Variants in NPLOC4 observed in about 807,000 individuals in gnomAD.
The protein encoded by NPLOC4 is NPL4 homolog, ubiquitin recognition factor.
NPLOC4 carries 18 observed loss-of-function variants against 80.6 expected under a neutral mutation model. That is an observed-to-expected ratio of 0.22 (90% CI 0.15 to 0.33). The LOEUF is 0.33. Among genes scored for constraint, NPLOC4 ranks in the 10% least tolerant of loss-of-function variants. The pLI, the probability that NPLOC4 is intolerant of heterozygous loss-of-function variation, is 1.00. For missense variants in NPLOC4, 540 were observed against 786.1 expected, an observed-to-expected ratio of 0.69 and a Z score of 3.74; for synonymous variants, 313 against 301.5, an observed-to-expected ratio of 1.04 and a Z score of -0.39.
chr17:81,616,445 C>T (rs9709360), intron 3 of NPLOC4, among the ~76,000 whole-genome samples: 10,696 of 151,244 alleles, frequency 0.071, 511 homozygotes, highest in Middle Eastern at 0.18. Context: ...AAGAGTAACA[C>T]ATGGGCCAGG....
intron 13 of NPLOC4, among the ~76,000 whole-genome samples, chr17:81,571,537 G>C (rs546086643): frequency 6.6e-6 from 1 of 152,204 alleles, no homozygotes; most frequent in African/African-American, 2.4e-5. Context: ...CACCCTGGAC[G>C]GAGTGACCCA....
chr17:81,604,686 G>A lies in NPLOC4; in HGVS notation c.696C>T (p.Thr232=), dbSNP rs747831924. Residue 232 remains threonine (T), a synonymous_variant, in exon 8 of 17, where the codon ACC becomes ACT. Coordinates refer to ENST00000331134, the MANE Select transcript of NPLOC4 (RefSeq NM_017921.4). ...AGAAGTCAAGAAAGCGGTCAGCGAC[G>A]GTGTGATTCTCAAACATGATATTGT... is the stretch of plus-strand genomic sequence containing the variant. ...HVDNIMFENH[T]VADRFLDFWR... The A allele has an allele frequency of 8.7e-6, 14 of 1,613,554 alleles. No homozygotes were observed. The East Asian group carries it at 8.9e-5, about 10-fold the overall frequency.
At chr17:81,598,808 C>T (rs181453184) in intron 9 of NPLOC4, among the ~76,000 whole-genome samples, 3 of 152,202 alleles carry the variant, frequency 2.0e-5, no homozygotes, top group Admixed American at 6.5e-5. Context: ...CTACCTGACA[C>T]ACAACTCTTC....
chr17:81,583,564 C>T (rs2034498101), intron 12 of NPLOC4, among the ~76,000 whole-genome samples: 1 of 152,178 alleles, frequency 6.6e-6, no homozygotes, highest in Admixed American at 6.5e-5. Context: ...GCTGGCTGGC[C>T]CTAGTCCCTC....
At chr17:81,560,300 C>T (rs1250464687) in intron 16 of NPLOC4, among the ~76,000 whole-genome samples, 1 of 152,092 alleles carries the variant, frequency 6.6e-6, no homozygotes, top group East Asian at 1.9e-4. Context: ...GCCGTTCCGG[C>T]TACTCAGGAG....
At chr17:81,565,968 C>CT (rs1185710540) in intron 15 of NPLOC4, among the ~76,000 whole-genome samples, 2 of 152,222 alleles carry the variant, frequency 1.3e-5, no homozygotes, top group South Asian at 2.1e-4. Flanking sequence ...TTTCATCCCT[C>CT]TGCCTCTTTC....
At chr17:81,585,170 C>CAAAAAAAAAA (rs35473939) in intron 12 of NPLOC4, among the ~76,000 whole-genome samples, 12 of 40,870 alleles carry the variant, frequency 2.9e-4, no homozygotes, top group South Asian at 2.0e-3. Flanking sequence ...ACTCTGTCGC[C>CAAAAAAAAAA]AAAAAAAAAA....
At chr17:81,597,798 A>T (rs1490746445) in intron 9 of NPLOC4, among the ~76,000 whole-genome samples, 1 of 150,726 alleles carries the variant, frequency 6.6e-6, no homozygotes, top group Admixed American at 6.6e-5. Flanking sequence ...AAAAAAAAAA[A>T]AAATTAGCTG....
chr17:81,596,358 A>C (rs2144175908), intron 10 of NPLOC4, 116 bp from the exon 11 acceptor site: 1 of 1,215,228 alleles, frequency 8.2e-7, no homozygotes, highest in East Asian at 2.4e-5. Flanking sequence ...CTCTAATTCC[A>C]GCACTTTGAG....
intron 1 of NPLOC4, among the ~76,000 whole-genome samples, chr17:81,630,336 G>T (rs562754388): frequency 4.2e-4 from 64 of 152,108 alleles, no homozygotes; most frequent in South Asian, 2.3e-3. Context: ...CACCCAGGCT[G>T]GAGTGCAGTG....
rs938547188 is a variant in NPLOC4, at chr17:81,557,513, G to A, written c.*1746C>T. 2 of 152,280 alleles carry A rather than the reference G, an allele frequency of 1.3e-5. No homozygotes were observed. The highest frequency in any genetic ancestry group is 4.8e-5 in the African/African-American group (2 of 41,444). 9.4% of individuals were successfully genotyped at this position (152,280 alleles called of 1,614,324 possible). A position where few individuals can be genotyped will look rare whatever the true frequency, so the allele number is the denominator to read the frequency against. On this transcript the variant is annotated 3_prime_UTR_variant, in exon 17 of 17. Coordinates refer to ENST00000331134, the MANE Select transcript of NPLOC4 (RefSeq NM_017921.4). ...GGAACTGGCAACGCGGCTCTCTCTA[G>A]AAGTCCGTGCTGTCCAGCCTCTGCC...
intron 13 of NPLOC4, among the ~76,000 whole-genome samples, chr17:81,569,739 C>T (rs2034109769): frequency 6.6e-6 from 1 of 152,194 alleles, no homozygotes; most frequent in Admixed American, 6.5e-5. Flanking sequence ...AGCTGATACC[C>T]AAAGGCCAGC....
intron 1 of NPLOC4, among the ~76,000 whole-genome samples, chr17:81,632,893 C>T (rs1431726567): frequency 2.0e-5 from 3 of 152,132 alleles, no homozygotes; most frequent in African/African-American, 7.2e-5. Flanking sequence ...AAAGGCTCCA[C>T]CCAATATGTT....
At chr17:81,604,750 C>A in intron 7 of NPLOC4, 23 bp from the exon 8 acceptor site, 2 of 1,581,726 alleles carry the variant, frequency 1.3e-6, no homozygotes, top group Non-Finnish European at 1.7e-6. Flanking sequence ...CAAGAGTGGG[C>A]TGATGAAAAC....
At chr17:81,574,361 G>A (rs1390262181) in intron 12 of NPLOC4, among the ~76,000 whole-genome samples, 1 of 152,036 alleles carries the variant, frequency 6.6e-6, no homozygotes, top group African/African-American at 2.4e-5. Flanking sequence ...GAAAATAAAG[G>A]TGTTGTATCC....
At position 81,629,713 on chromosome 17, in the gene NPLOC4, G is replaced by T. The variant is rs1172120739; in HGVS notation, c.96+12C>A. 1 of 1,599,336 alleles carries T rather than the reference G, an allele frequency of 6.3e-7. No homozygotes were observed. Among genetic ancestry groups the T allele is most frequent in the Non-Finnish European group, 8.6e-7 (1 of 1,166,672 alleles). ...AAAATATCCTGAGGGTCAATACCCA[G>T]GCCACAGATACCTTTTTCAAAAATG... On this transcript the variant is annotated intron_variant, in intron 2 of 16. Coordinates refer to ENST00000331134, the MANE Select transcript of NPLOC4 (RefSeq NM_017921.4).
rs867132887 is a variant in NPLOC4, at chr17:81,573,755, T to A, written c.1282-1667A>T. Among the ~76,000 whole-genome samples the A allele has an allele frequency of 1.6e-4, 25 of 152,316 alleles. No individual in the cohort carries two copies. The South Asian group carries it at 1.9e-3, about 11-fold the overall frequency. ...GAAAAATGGTCCAAATAGATCCCACTGATGTTTCCAGGAGGGCAGGAGAAT... is the reference window on the plus strand; with the variant it reads ...GAAAAATGGTCCAAATAGATCCCACAGATGTTTCCAGGAGGGCAGGAGAAT... On this transcript the variant is annotated intron_variant, in intron 12 of 16. Transcript: ENST00000331134.
At chr17:81,625,857 A>G (rs991158974) in intron 2 of NPLOC4, among the ~76,000 whole-genome samples, 4 of 152,082 alleles carry the variant, frequency 2.6e-5, no homozygotes, top group Non-Finnish European at 5.9e-5. Flanking sequence ...CCTCACTAGA[A>G]AAAAATGAGG....
chr17:81,595,599 C>T lies in NPLOC4; in HGVS notation c.1120+517G>A, dbSNP rs573290125. ...TCACCCTGTCACCCAGGCTGGAGTG[C>T]ACTGGCACAAACTCAGCTCACTGCA... is the stretch of plus-strand genomic sequence containing the variant. On this transcript the variant is annotated intron_variant, in intron 11 of 16. Transcript: ENST00000331134. 2.4e-4 allele frequency among the ~76,000 whole-genome samples: 36 copies of T among 150,792 alleles called. No homozygotes were observed. In the South Asian group the frequency reaches 7.4e-3, roughly 31 times the overall value.
Sources: gnomAD v4.1 joint callset for allele counts (sites outside exome capture counted in the v4.1 genomes callset) on GRCh38, gnomAD v4.1.1 for gene constraint, MANE v1.5 for transcripts, NCBI Gene and HGNC (gene_info 2026-07-23, HGNC 2026-07-21) for gene names.